MAF: variants seen among roughly 807,000 people sequenced by gnomAD.
MAF encodes the protein MAF bZIP transcription factor, also known as transcription factor Maf.
Under a neutral mutation model 22.0 loss-of-function variants are expected in MAF, and 10 were observed. The observed-to-expected ratio is 0.45, with a 90% CI of 0.28 to 0.77. The LOEUF is 0.77. Among genes scored for constraint, MAF ranks in the 30% least tolerant of loss-of-function variants. MAF has a pLI of 0.12. For synonymous variants in MAF, 337 were observed against 255.8 expected, an observed-to-expected ratio of 1.32 and a Z score of -3.03; for missense variants, 544 against 548.4, an observed-to-expected ratio of 0.99 and a Z score of 0.08.
chr16:79,224,749 C>G, the MAF span, among the ~76,000 whole-genome samples: 52 of 152,148 alleles, frequency 3.4e-4, no homozygotes, highest in Admixed American at 3.4e-3. Flanking sequence ...CATGAGTGAA[C>G]TCCTATTCAC....
the MAF span, among the ~76,000 whole-genome samples, chr16:79,486,292 A>G: frequency 1.3e-5 from 2 of 152,242 alleles, no homozygotes; most frequent in Admixed American, 1.3e-4. Context: ...TTTATGTAAA[A>G]TAAAGAAAAC....
chr16:79,249,454 C>T, the MAF span, among the ~76,000 whole-genome samples: 2 of 151,582 alleles, frequency 1.3e-5, no homozygotes, highest in Non-Finnish European at 2.9e-5. Flanking sequence ...TGAAGGATGC[C>T]GCCATGCCCC....
the MAF span, among the ~76,000 whole-genome samples, chr16:79,526,659 A>AAAC: frequency 6.6e-6 from 1 of 152,190 alleles, no homozygotes; most frequent in South Asian, 2.1e-4. Context: ...AAACAAAACA[A>AAAC]AACAACAACA....
In MAF at chr16:79,598,790, A is replaced by G. The variant is rs1913761761; in HGVS notation, c.1113T>C (p.Phe371=). ...SSSDNPSSPE[F]FITEPTRKLE... ...GAATCGCGTGTCAGACTCACATGAAAAACTCGGGAGAGGACGGGTTGTCGC... is the reference window on the plus strand; with the variant it reads ...GAATCGCGTGTCAGACTCACATGAAGAACTCGGGAGAGGACGGGTTGTCGC... The change falls in exon 1 of 2, where the codon TTT becomes TTC. Residue 371 remains phenylalanine, a synonymous_variant. Transcript: ENST00000326043. The G allele has an allele frequency of 1.2e-6, 2 of 1,613,528 alleles. No homozygotes were observed. The highest frequency in any genetic ancestry group is 1.1e-5 in the South Asian group (1 of 91,004).
the MAF span, among the ~76,000 whole-genome samples, chr16:79,230,187 T>C: frequency 3.3e-5 from 5 of 152,136 alleles, no homozygotes; most frequent in African/African-American, 1.2e-4. Context: ...CTTTCTGGAG[T>C]TGAATTGCAC....
chr16:79,597,433 C>A (rs762450308), intron 1 of MAF: 163 of 1,029,036 alleles, frequency 1.6e-4, no homozygotes, highest in Non-Finnish European at 1.9e-4. Context: ...TTTTAGACTG[C>A]TTCTCGGCAA....
chr16:79,354,353 G>A, the MAF span, among the ~76,000 whole-genome samples: 1 of 152,090 alleles, frequency 6.6e-6, no homozygotes, highest in Non-Finnish European at 1.5e-5. Flanking sequence ...CACACGAGAT[G>A]GTGAGGAGCA....
chr16:79,575,944 G>A, the MAF span, among the ~76,000 whole-genome samples: 165 of 152,110 alleles, frequency 1.1e-3, 3 homozygotes, highest in South Asian at 0.03. Context: ...TTTTCTACAA[G>A]AACAGAGAGT....
the MAF span, among the ~76,000 whole-genome samples, chr16:79,402,600 G>A: frequency 1.3e-5 from 2 of 152,344 alleles, no homozygotes; most frequent in South Asian, 2.1e-4. Flanking sequence ...TGAGGCCAGA[G>A]GAAGGCCAAG....
chr16:79,213,766 T>G, the MAF span, among the ~76,000 whole-genome samples: 3 of 150,666 alleles, frequency 2.0e-5, no homozygotes, highest in East Asian at 3.9e-4. Context: ...GAGAAGAAAC[T>G]GCACATTTCA....
At chr16:79,500,254 C>G in the MAF span, among the ~76,000 whole-genome samples, 360 of 152,302 alleles carry the variant, frequency 2.4e-3, 4 homozygotes, top group African/African-American at 8.3e-3. Context: ...GACACACACA[C>G]AGAGAGAGAG....
At chr16:79,286,442 T>G in the MAF span, among the ~76,000 whole-genome samples, 1 of 152,212 alleles carries the variant, frequency 6.6e-6, no homozygotes, top group Non-Finnish European at 1.5e-5. Flanking sequence ...ATAGCATAAA[T>G]TCACTGCCAA....
downstream of MAF, chr16:79,585,820 CAAAG>C (rs2051106993): frequency 2.1e-6 from 1 of 465,284 alleles, no homozygotes; most frequent in African/African-American, 3.5e-5. Context: ...TTTAAAAAAA[CAAAG>C]AAAAGGAAAA....
the MAF span, chr16:79,211,519 G>C: frequency 2.0e-6 from 3 of 1,537,180 alleles, no homozygotes; most frequent in Non-Finnish European, 2.7e-6. Context: ...AGGTGGGGGA[G>C]GCCTGCTAAT....
At chr16:79,432,253 C>T in the MAF span, among the ~76,000 whole-genome samples, 1 of 152,236 alleles carries the variant, frequency 6.6e-6, no homozygotes, top group East Asian at 1.9e-4. Context: ...GTACCTTCTG[C>T]CATGATTGTA....
chr16:79,542,472 G>C, the MAF span, among the ~76,000 whole-genome samples: 1 of 152,162 alleles, frequency 6.6e-6, no homozygotes, highest in African/African-American at 2.4e-5. Context: ...CATGGCCTAT[G>C]GCGGAGTTTC....
chr16:79,378,267 C>A, the MAF span, among the ~76,000 whole-genome samples: 33 of 152,234 alleles, frequency 2.2e-4, no homozygotes, highest in East Asian at 4.0e-3. Context: ...GCTATAATCA[C>A]AAAATGGAAT....
the MAF span, among the ~76,000 whole-genome samples, chr16:79,410,092 C>A: frequency 1.3e-5 from 2 of 152,188 alleles, no homozygotes; most frequent in African/African-American, 4.8e-5. Flanking sequence ...TCCCAGTGGC[C>A]ATACTTCAAC....
chr16:79,470,823 C>A, the MAF span, among the ~76,000 whole-genome samples: 1 of 152,188 alleles, frequency 6.6e-6, no homozygotes, highest in African/African-American at 2.4e-5. Context: ...TGAAGTTTAG[C>A]TGACGCCAGA....
Sources: gnomAD v4.1 joint callset for allele counts (sites outside exome capture counted in the v4.1 genomes callset) on GRCh38, gnomAD v4.1.1 for gene constraint, MANE v1.5 for transcripts, NCBI Gene and HGNC (gene_info 2026-07-23, HGNC 2026-07-21) for gene names.